The following FHOD3 variants were observed in gnomAD, a reference collection of about 807,000 sequenced individuals.
FHOD3 encodes formin homology 2 domain containing 3.
Under a neutral mutation model 173.0 loss-of-function variants are expected in FHOD3, and 90 were observed. The observed-to-expected ratio is 0.52, with a 90% CI of 0.44 to 0.62. The LOEUF (loss-of-function observed/expected upper bound fraction) is 0.62, where lower values mean the gene tolerates loss of function less well. Ranked by LOEUF, FHOD3 falls within the 20% of genes least tolerant of loss-of-function variation. FHOD3 has a pLI of 0.00. For synonymous variants in FHOD3, 828 were observed against 823.0 expected, an observed-to-expected ratio of 1.01 and a Z score of -0.10; for missense variants, 1,945 against 2,034.7, an observed-to-expected ratio of 0.96 and a Z score of 0.85.
intron 16 of FHOD3, among the ~76,000 whole-genome samples, chr18:36,691,019 G>A (rs1461798893): frequency 6.6e-6 from 1 of 152,082 alleles, no homozygotes; most frequent in Non-Finnish European, 1.5e-5. Flanking sequence ...TTCAGTGATG[G>A]CATCTGTGAG....
chr18:36,563,692 C>T (rs1245599989), intron 5 of FHOD3, among the ~76,000 whole-genome samples: 3 of 152,078 alleles, frequency 2.0e-5, no homozygotes, highest in South Asian at 2.1e-4. Context: ...TTTCTTGATG[C>T]GGTACTGTCT....
chr18:36,759,041 TC>T, intron 25 of FHOD3, 76 bp from the exon 26 acceptor site: 1 of 1,457,536 alleles, frequency 6.9e-7, no homozygotes. Context: ...ATTGCGATGA[TC>T]TTTTTGCTGA....
At chr18:36,669,862 G>A (rs1269273471) in intron 14 of FHOD3, among the ~76,000 whole-genome samples, 2 of 151,652 alleles carry the variant, frequency 1.3e-5, no homozygotes, top group African/African-American at 4.8e-5. Flanking sequence ...TTATTTTTGT[G>A]TAAATCAAGA....
intron 1 of FHOD3, among the ~76,000 whole-genome samples, chr18:36,325,185 G>A (rs2044607013): frequency 6.6e-6 from 1 of 152,032 alleles, no homozygotes. Context: ...GTTTTGACTG[G>A]CAGGGAGTGG....
intron 5 of FHOD3, among the ~76,000 whole-genome samples, chr18:36,540,573 T>TAA (rs1878786535): frequency 1.3e-5 from 2 of 152,226 alleles, no homozygotes; most frequent in African/African-American, 4.8e-5. Context: ...CAGGTCTGCT[T>TAA]CTTCCTGACC....
At chr18:36,755,554 G>T (rs2042598391) in intron 25 of FHOD3, among the ~76,000 whole-genome samples, 1 of 151,962 alleles carries the variant, frequency 6.6e-6, no homozygotes, top group Non-Finnish European at 1.5e-5. Context: ...AGAGGAACAT[G>T]GAACCCATTT....
chr18:36,494,663 T>C (rs868626348), intron 3 of FHOD3, among the ~76,000 whole-genome samples: 2 of 152,194 alleles, frequency 1.3e-5, no homozygotes, highest in South Asian at 4.1e-4. Context: ...TCAGCAGTAC[T>C]TCTCCAGGAC....
At chr18:36,352,431 C>A (rs2046173429) in intron 1 of FHOD3, among the ~76,000 whole-genome samples, 2 of 152,206 alleles carry the variant, frequency 1.3e-5, no homozygotes, top group Non-Finnish European at 2.9e-5. Context: ...TCTTACAGAT[C>A]TGTGTGGTAG....
At chr18:36,553,352 T>C (rs984893083) in intron 5 of FHOD3, among the ~76,000 whole-genome samples, 2 of 152,214 alleles carry the variant, frequency 1.3e-5, no homozygotes, top group Non-Finnish European at 2.9e-5. Flanking sequence ...TTAGGGAGGA[T>C]TCCCTCTTTT....
intron 1 of FHOD3, among the ~76,000 whole-genome samples, chr18:36,339,642 G>T (rs2847516): frequency 0.59 from 88,999 of 152,020 alleles, 29,821 homozygotes; most frequent in Middle Eastern, 0.79. Flanking sequence ...GCTGCTCTTT[G>T]CCCAGCAGGG....
chr18:36,748,937 G>A (rs955263311), intron 24 of FHOD3, among the ~76,000 whole-genome samples: 2 of 151,804 alleles, frequency 1.3e-5, no homozygotes, highest in African/African-American at 4.8e-5. Context: ...GCTGAGGATG[G>A]CTGTGATTTT....
chr18:36,303,678 T>C (rs1347751381), intron 1 of FHOD3, among the ~76,000 whole-genome samples: 1 of 152,104 alleles, frequency 6.6e-6, no homozygotes, highest in African/African-American at 2.4e-5. Context: ...TTTGAACACT[T>C]GGGAACTTTT....
chr18:36,551,105 T>G (rs372103814), intron 5 of FHOD3, among the ~76,000 whole-genome samples: 8 of 152,326 alleles, frequency 5.3e-5, no homozygotes, highest in African/African-American at 1.9e-4. Flanking sequence ...TCTTGTTTGC[T>G]GAGAACAGGA....
chr18:36,304,665 G>T (rs983292925), intron 1 of FHOD3, among the ~76,000 whole-genome samples: 2 of 152,052 alleles, frequency 1.3e-5, no homozygotes, highest in African/African-American at 4.8e-5. Flanking sequence ...TATGTTCAGG[G>T]TGTCTTTCTA....
chr18:36,714,064 A>C (rs2040318673), intron 18 of FHOD3, among the ~76,000 whole-genome samples: 1 of 152,244 alleles, frequency 6.6e-6, no homozygotes, highest in South Asian at 2.1e-4. Context: ...GAAGAAAAAA[A>C]AGTTGAGAAA....
chr18:36,482,856 CACAGAGAGAGAGAGAGAGAG>C (rs1336432003), intron 3 of FHOD3, among the ~76,000 whole-genome samples: 1 of 64,068 alleles, frequency 1.6e-5, no homozygotes, highest in African/African-American at 5.6e-5. Context: ...CTCACACACA[CACAGAGAGAGAGAGAGAGAG>C]AGAGAGAGAG....
At chr18:36,485,082 TG>T (rs1045273951) in intron 3 of FHOD3, among the ~76,000 whole-genome samples, 1 of 152,130 alleles carries the variant, frequency 6.6e-6, no homozygotes, top group African/African-American at 2.4e-5. Context: ...CTTGAGCATT[TG>T]GGGGTGGATG....
chr18:36,309,074 C>G (rs1266788911), intron 1 of FHOD3, among the ~76,000 whole-genome samples: 1 of 152,058 alleles, frequency 6.6e-6, no homozygotes, highest in Non-Finnish European at 1.5e-5. Context: ...GGCATGCTGT[C>G]CTGGATGGTG....
At chr18:36,568,574 C>T (rs1431420212) in intron 5 of FHOD3, among the ~76,000 whole-genome samples, 1 of 151,996 alleles carries the variant, frequency 6.6e-6, no homozygotes, top group Non-Finnish European at 1.5e-5. Context: ...AAGATAGATA[C>T]TGCCCAGGCC....
Sources: gnomAD v4.1 joint callset for allele counts (sites outside exome capture counted in the v4.1 genomes callset) on GRCh38, gnomAD v4.1.1 for gene constraint, MANE v1.5 for transcripts, NCBI Gene and HGNC (gene_info 2026-07-23, HGNC 2026-07-21) for gene names.